Variants in RAP1GAP2 observed in about 807,000 individuals in gnomAD.
RAP1GAP2 encodes the protein RAP1 GTPase activating protein 2, also known as rap1 GTPase-activating protein 2.
Under a neutral mutation model 95.0 loss-of-function variants are expected in RAP1GAP2, and 27 were observed. The ratio of observed to expected loss-of-function variants is 0.28; its 90% CI spans 0.21 to 0.39. The LOEUF (loss-of-function observed/expected upper bound fraction) is 0.39, where lower values mean the gene tolerates loss of function less well. Ranked by LOEUF, RAP1GAP2 falls within the 10% of genes least tolerant of loss-of-function variation. The pLI is 1.00. For synonymous variants in RAP1GAP2, 373 were observed against 380.9 expected, an observed-to-expected ratio of 0.98 and a Z score of 0.24; for missense variants, 771 against 970.0, an observed-to-expected ratio of 0.79 and a Z score of 2.72.
chr17:2,842,794 C>T (rs1215226981), intron 2 of RAP1GAP2, among the ~76,000 whole-genome samples: 4 of 152,034 alleles, frequency 2.6e-5, no homozygotes, highest in Non-Finnish European at 4.4e-5. Flanking sequence ...CCTGAGACCT[C>T]GCTGTCCCAC....
chr17:2,920,044 G>A (rs373344582), intron 3 of RAP1GAP2, among the ~76,000 whole-genome samples: 4 of 139,092 alleles, frequency 2.9e-5, no homozygotes, highest in East Asian at 2.1e-4. Flanking sequence ...GTTCTCTGTC[G>A]CCCAGACTGG....
intron 3 of RAP1GAP2, among the ~76,000 whole-genome samples, chr17:2,953,225 G>C (rs1303432405): frequency 6.6e-6 from 1 of 151,298 alleles, no homozygotes; most frequent in Non-Finnish European, 1.5e-5. Flanking sequence ...AAGAGATGGA[G>C]CCTCACTGTG....
intron 14 of RAP1GAP2, among the ~76,000 whole-genome samples, chr17:3,000,251 T>C (rs113788141): frequency 8.5e-4 from 129 of 152,364 alleles, no homozygotes; most frequent in African/African-American, 2.9e-3. Flanking sequence ...GCCCAGCCCA[T>C]TTCTTGAAGG....
intron 2 of RAP1GAP2, among the ~76,000 whole-genome samples, chr17:2,860,155 G>T (rs1414291552): frequency 6.6e-6 from 1 of 152,100 alleles, no homozygotes; most frequent in Non-Finnish European, 1.5e-5. Flanking sequence ...CCCAGAGCTG[G>T]AAGGGGCATG....
At chr17:2,832,451 G>A (rs556606665) in intron 2 of RAP1GAP2, among the ~76,000 whole-genome samples, 66 of 150,248 alleles carry the variant, frequency 4.4e-4, no homozygotes, top group African/African-American at 1.3e-3. Context: ...CCAGCTACTC[G>A]GGAGGCTGAG....
intron 17 of RAP1GAP2, among the ~76,000 whole-genome samples, chr17:3,009,545 C>T (rs550087478): frequency 2.0e-4 from 31 of 152,322 alleles, no homozygotes; most frequent in African/African-American, 7.0e-4. Context: ...CACTTCCTGA[C>T]TTTGTTAAGA....
At chr17:2,962,525 C>G (rs12947275) in intron 4 of RAP1GAP2, 145 bp from the exon 5 acceptor site, 59,881 of 799,768 alleles carry the variant, frequency 0.075, 2,651 homozygotes, top group East Asian at 0.19. Flanking sequence ...CCGCCCCTGG[C>G]CAGGTGTGAT....
chr17:2,775,002 T>G (rs2068467296), upstream of RAP1GAP2, among the ~76,000 whole-genome samples: 1 of 145,640 alleles, frequency 6.9e-6, no homozygotes, highest in African/African-American at 2.6e-5. Flanking sequence ...TTTTTTTTTT[T>G]GTATTTTTAG....
At chr17:2,792,540 G>T (rs2068951155), upstream of RAP1GAP2, among the ~76,000 whole-genome samples, 1 of 152,224 alleles carries the variant, frequency 6.6e-6, no homozygotes. Context: ...TGGGCCATGA[G>T]CCGTCTGGGA....
chr17:2,809,477 C>T (rs368006936), intron 2 of RAP1GAP2, among the ~76,000 whole-genome samples: 1 of 152,140 alleles, frequency 6.6e-6, no homozygotes, highest in East Asian at 1.9e-4. Context: ...GCCTGTGGCC[C>T]GCCAGCCGAG....
At chr17:2,899,862 T>A (rs2041968520) in intron 2 of RAP1GAP2, among the ~76,000 whole-genome samples, 1 of 152,224 alleles carries the variant, frequency 6.6e-6, no homozygotes, top group South Asian at 2.1e-4. Context: ...TTTTTATGGG[T>A]GAGCAGTATT....
chr17:2,980,300 A>AC lies in RAP1GAP2; in HGVS notation c.611dup (p.Val205GlyfsTer3). ...CGTCTTGTGCAGGTCCAAACTGAAG[A>AC]CGGTACATGAGCGGATCCCCTTGGC... is the stretch of plus-strand genomic sequence containing the variant. On this transcript the variant is annotated frameshift_variant, in exon 9 of 25. Transcript: ENST00000254695. LOFTEE classifies it high-confidence loss of function. The AC allele has an allele frequency of 6.2e-7, 1 of 1,613,710 alleles. No homozygotes were observed. The highest frequency in any genetic ancestry group is 8.5e-7 in the Non-Finnish European group (1 of 1,179,824).
At chr17:2,915,526 C>T (rs911646845) in intron 3 of RAP1GAP2, among the ~76,000 whole-genome samples, 3 of 151,992 alleles carry the variant, frequency 2.0e-5, no homozygotes, top group African/African-American at 7.2e-5. Context: ...TGAGCCAACG[C>T]GCCTGGCCCA....
At chr17:2,861,463 T>C (rs571520111) in intron 2 of RAP1GAP2, among the ~76,000 whole-genome samples, 161 of 150,182 alleles carry the variant, frequency 1.1e-3, no homozygotes, top group Non-Finnish European at 1.8e-3. Context: ...GCCCATTGCC[T>C]GTTTCTCTGG....
intron 2 of RAP1GAP2, among the ~76,000 whole-genome samples, chr17:2,840,465 T>G (rs1044525206): frequency 2.0e-5 from 3 of 151,768 alleles, no homozygotes; most frequent in Admixed American, 6.6e-5. Flanking sequence ...GCCCGGCTGT[T>G]ATTCTTTATT....
intron 2 of RAP1GAP2, among the ~76,000 whole-genome samples, chr17:2,876,052 C>T (rs1417656110): frequency 6.6e-6 from 1 of 151,952 alleles, no homozygotes; most frequent in African/African-American, 2.4e-5. Flanking sequence ...ATTCTCCTGC[C>T]TCAGCCTCCC....
chr17:2,853,852 C>T, intron 2 of RAP1GAP2: 2 of 913,940 alleles, frequency 2.2e-6, no homozygotes, highest in Non-Finnish European at 1.3e-6. Flanking sequence ...ACCTGACCCC[C>T]GGGGCGCACC....
intron 3 of RAP1GAP2, among the ~76,000 whole-genome samples, chr17:2,914,369 T>C (rs1257510836): frequency 2.6e-5 from 4 of 152,238 alleles, no homozygotes; most frequent in African/African-American, 9.6e-5. Flanking sequence ...ACTAATGATG[T>C]TGAATATTTT....
chr17:2,919,513 A>G (rs2042679778), intron 3 of RAP1GAP2, among the ~76,000 whole-genome samples: 2 of 151,214 alleles, frequency 1.3e-5, no homozygotes, highest in Non-Finnish European at 2.9e-5. Context: ...ATGAGTCTGT[A>G]TTTCGGGGAC....
Sources: allele counts gnomAD v4.1 joint callset (sites outside exome capture counted in the v4.1 genomes callset), GRCh38; gene constraint gnomAD v4.1.1; transcripts MANE v1.5; gene names NCBI Gene and HGNC (gene_info 2026-07-23, HGNC 2026-07-21).